The following AKAP7 variants were observed in gnomAD, a reference collection of about 807,000 sequenced individuals.
AKAP7 encodes the protein A kinase (PRKA) anchor protein 7.
A neutral mutation model predicts 39.5 loss-of-function variants in AKAP7; 39 were observed. The ratio of observed to expected loss-of-function variants is 0.99; its 90% confidence interval spans 0.76 to 1.29. AKAP7 has a LOEUF of 1.29. Among genes scored for constraint, AKAP7 ranks in the 50% most tolerant of loss-of-function variants. The pLI is 0.00. For synonymous variants in AKAP7, 140 were observed against 139.1 expected, an observed-to-expected ratio of 1.01 and a Z score of -0.05; for missense variants, 414 against 407.7, an observed-to-expected ratio of 1.02 and a Z score of -0.13.
intron 7 of AKAP7, among the ~76,000 whole-genome samples, chr6:131,238,730 C>T (rs1015629854): frequency 1.3e-5 from 2 of 152,046 alleles, no homozygotes; most frequent in Admixed American, 6.6e-5. Flanking sequence ...GGATTGCAAC[C>T]CCTGCCTTTT....
chr6:131,205,051 AG>A (rs1807958352), intron 6 of AKAP7, among the ~76,000 whole-genome samples: 1 of 151,916 alleles, frequency 6.6e-6, no homozygotes, highest in African/African-American at 2.4e-5. Context: ...GTTGGTAAAA[AG>A]GGGTGTGCTG....
intron 5 of AKAP7, chr6:131,184,641 C>A: frequency 1.3e-6 from 1 of 763,322 alleles, no homozygotes; most frequent in South Asian, 1.4e-5. Context: ...CAGGTTGTCC[C>A]ATCTTCTTGT....
chr6:131,159,444 T>C (rs1802744143), intron 2 of AKAP7, among the ~76,000 whole-genome samples: 1 of 152,174 alleles, frequency 6.6e-6, no homozygotes, highest in Non-Finnish European at 1.5e-5. Context: ...TGGATACTTT[T>C]GTAAAATACA....
chr6:131,184,334 G>T lies in AKAP7; in HGVS notation c.589+15061G>T, dbSNP rs561140485. ...CAGGGGGGTGGCTATATCAAGAGGA[G>T]TTCTTGTTCTGGTAGATGGAAGCTT... is the stretch of plus-strand genomic sequence containing the variant. On this transcript the variant is annotated intron_variant, in intron 5 of 7. Coordinates refer to ENST00000431975, the MANE Select transcript of AKAP7 (RefSeq NM_016377.4). 2.3e-5 allele frequency: 15 copies of T among 638,624 alleles called. No individual in the cohort carries two copies. The Admixed American group carries it at 2.6e-4, about 11-fold the overall frequency. The allele number at this position is 638,624 out of a possible 1,614,324, so 39.6% of individuals were successfully genotyped here.
In AKAP7 at chr6:131,224,730, C is replaced by CTTTTTTT. The variant is rs779047229; in HGVS notation, c.850+4945_850+4951dup. ...GTTTGTAAAGTTTCCAGTTGATTCA[C>CTTTTTTT]TTTTTTTTTTTTTTTTTTTTTTTTT... On this transcript the variant is annotated intron_variant, in intron 7 of 7. Transcript: ENST00000431975. Among the ~76,000 whole-genome samples, 14 of 55,108 alleles carry CTTTTTTT rather than the reference C, an allele frequency of 2.5e-4. 2 individuals carry two copies. Among genetic ancestry groups the CTTTTTTT allele is most frequent in the African/African-American group, 9.5e-4 (13 of 13,684 alleles). The allele number at this position is 55,108 out of a possible 152,430, so 36.2% of individuals were successfully genotyped here.
chr6:131,262,675 A>G (rs1206031726), intron 7 of AKAP7, among the ~76,000 whole-genome samples: 1 of 151,980 alleles, frequency 6.6e-6, no homozygotes, highest in Non-Finnish European at 1.5e-5. Flanking sequence ...TCCAAGGAAA[A>G]CTCTCACCTA....
At chr6:131,151,729 A>G (rs554068826) in intron 2 of AKAP7, among the ~76,000 whole-genome samples, 1 of 152,318 alleles carries the variant, frequency 6.6e-6, no homozygotes, top group South Asian at 2.1e-4. Flanking sequence ...CTGGACAACA[A>G]GAGTGAAACT....
intron 3 of AKAP7, chr6:131,164,280 G>C: frequency 2.3e-6 from 1 of 427,678 alleles, no homozygotes; most frequent in Non-Finnish European, 4.7e-6. Flanking sequence ...TTTTTTTTCT[G>C]GGTTTGCTAT....
intron 5 of AKAP7, among the ~76,000 whole-genome samples, chr6:131,190,910 C>A (rs1806347072): frequency 6.6e-6 from 1 of 152,116 alleles, no homozygotes. Flanking sequence ...GAGACTGTAA[C>A]CTCCCAGGAG....
rs12660246 is a variant in AKAP7, at chr6:131,190,534, C to G, written c.590-8927C>G. Among the ~76,000 whole-genome samples the G allele has an allele frequency of 0.014, 2,165 of 151,606 alleles. 145 individuals carry two copies. The East Asian group carries it at 0.18, about 12-fold the overall frequency. On this transcript the variant is annotated intron_variant, in intron 5 of 7. Coordinates refer to ENST00000431975, the MANE Select transcript of AKAP7 (RefSeq NM_016377.4). Reference sequence around the variant, plus strand: ...GTGCGTGCCTGTAATCCCAGCTACTCAAGTGGCTGAGGCACAAGTATTGCT... The same window carrying G: ...GTGCGTGCCTGTAATCCCAGCTACTGAAGTGGCTGAGGCACAAGTATTGCT...
chr6:131,246,174 T>C lies in AKAP7; in HGVS notation c.850+26366T>C, dbSNP rs182996233. On this transcript the variant is annotated intron_variant, in intron 7 of 7. Transcript: ENST00000431975. ...CAACAGAGAATAGAGCTTTTGGTCA[T>C]AGTTAAGAATTATCTTTTTCCATTA... Among the ~76,000 whole-genome samples, 8 of 151,742 alleles carry C rather than the reference T, an allele frequency of 5.3e-5. No homozygotes were observed. The East Asian group carries it at 9.7e-4, about 18-fold the overall frequency.
chr6:131,226,771 GT>G (rs1810202355), intron 7 of AKAP7, among the ~76,000 whole-genome samples: 1 of 152,142 alleles, frequency 6.6e-6, no homozygotes, highest in Admixed American at 6.6e-5. Context: ...TTTTTTGTTT[GT>G]TTGTTTGTTT....
intron 5 of AKAP7, among the ~76,000 whole-genome samples, chr6:131,178,598 C>A (rs1040653107): frequency 1.3e-5 from 2 of 152,200 alleles, no homozygotes; most frequent in Non-Finnish European, 2.9e-5. Flanking sequence ...CCATTTACTT[C>A]GTTTCCACTA....
chr6:131,182,440 A>ACGT (rs1276647662), intron 5 of AKAP7, among the ~76,000 whole-genome samples: 2 of 152,208 alleles, frequency 1.3e-5, no homozygotes, highest in Admixed American at 6.5e-5. Context: ...ACTTAACATA[A>ACGT]CGTCCTTAAG....
intron 7 of AKAP7, among the ~76,000 whole-genome samples, chr6:131,246,244 C>G (rs1264649905): frequency 6.6e-6 from 1 of 152,056 alleles, no homozygotes; most frequent in Non-Finnish European, 1.5e-5. Context: ...GGACAAGAGG[C>G]AGCTGCCACC....
At chr6:131,228,006 G>A (rs1329845974) in intron 7 of AKAP7, among the ~76,000 whole-genome samples, 1 of 152,164 alleles carries the variant, frequency 6.6e-6, no homozygotes, top group African/African-American at 2.4e-5. Flanking sequence ...TTCTGAGGTT[G>A]GAGTCCCTTT....
intron 5 of AKAP7, among the ~76,000 whole-genome samples, chr6:131,169,480 T>G (rs1316964963): frequency 6.6e-6 from 1 of 152,234 alleles, no homozygotes; most frequent in East Asian, 1.9e-4. Flanking sequence ...AGGTACTGAA[T>G]CAATGAATAG....
chr6:131,213,967 A>G (rs1217586996), intron 6 of AKAP7, among the ~76,000 whole-genome samples: 9 of 152,164 alleles, frequency 5.9e-5, no homozygotes, highest in African/African-American at 2.2e-4. Context: ...CTTAGTCAGT[A>G]TAAATGAACC....
rs559382327 is a variant in AKAP7, at chr6:131,247,731, C to A, written c.850+27923C>A. Among the ~76,000 whole-genome samples the A allele has an allele frequency of 4.6e-5, 7 of 152,180 alleles. No homozygotes were observed. In the South Asian group the frequency reaches 1.5e-3, roughly 32 times the overall value. ...ATAACCTTGAACTCCTGGGCTCAAG[C>A]AATCCTCCTGCTTCAGCCTCCTGAG... On this transcript the variant is annotated intron_variant, in intron 7 of 7. Coordinates refer to ENST00000431975, the MANE Select transcript of AKAP7 (RefSeq NM_016377.4).
Sources: gnomAD v4.1 joint callset for allele counts (sites outside exome capture counted in the v4.1 genomes callset) on GRCh38, gnomAD v4.1.1 for gene constraint, MANE v1.5 for transcripts, NCBI Gene and HGNC (gene_info 2026-07-23, HGNC 2026-07-21) for gene names.